NUP98: variants seen among roughly 807,000 people sequenced by gnomAD.
The protein encoded by NUP98 is nuclear pore complex protein Nup98-Nup96.
Under a neutral mutation model 191.9 loss-of-function variants are expected in NUP98, and 26 were observed. The ratio of observed to expected loss-of-function variants is 0.14; its 90% CI spans 0.10 to 0.19. The LOEUF is 0.19. NUP98 is among the 10% of genes least tolerant of loss of function. NUP98 has a pLI of 1.00. For missense variants in NUP98, 1,941 were observed against 2,178.8 expected (o/e 0.89, Z 2.17); for synonymous variants, 808 against 778.4 (o/e 1.04, Z -0.63).
chr11:3,766,812 T>C (rs1157915681), intron 8 of NUP98, among the ~76,000 whole-genome samples: 2 of 152,082 alleles, frequency 1.3e-5, no homozygotes, highest in East Asian at 3.8e-4. Flanking sequence ...CATGAAAAAG[T>C]GTCAAATGTT....
intron 10 of NUP98, among the ~76,000 whole-genome samples, chr11:3,759,432 A>G (rs566374316): frequency 5.3e-4 from 80 of 152,174 alleles, no homozygotes; most frequent in Non-Finnish European, 9.4e-4. Flanking sequence ...CCTTGTCTCT[A>G]CTAAAAACAC....
chr11:3,768,715 C>A lies in NUP98; in HGVS notation c.814G>T (p.Gly272Cys). 6.3e-7 allele frequency: 1 copy of A among 1,589,920 alleles called. No individual in the cohort carries two copies. ...TGCTGATTCTGTTGGCCAAAGAGAC[C>A]ACCTGGATTTGTTCCAAATCCAGTT... ...STTGFGTNPG[G>C]LFGQQNQQTT... Residue 272 changes from glycine to cysteine, a missense_variant, in exon 8 of 33, where the codon GGT (glycine) becomes TGT (cysteine). Coordinates refer to ENST00000324932, the MANE Select transcript of NUP98 (RefSeq NM_016320.5).
chr11:3,751,224 GGC>G (rs2080738336), intron 11 of NUP98, among the ~76,000 whole-genome samples: 1 of 152,082 alleles, frequency 6.6e-6, no homozygotes, highest in African/African-American at 2.4e-5. Context: ...TGGGCATGTG[GGC>G]ACATGCCAGT....
At position 3,778,014 on chromosome 11, in the gene NUP98, T is replaced by C. The variant is rs546156246; in HGVS notation, c.355+859A>G. On this transcript the variant is annotated intron_variant, in intron 4 of 32. Coordinates refer to ENST00000324932, the MANE Select transcript of NUP98 (RefSeq NM_016320.5). The stretch of plus-strand genomic sequence containing the variant: ...GAGATCGAGACCATCCTGGCTAACA[T>C]GGTGAAACCCCGTCTCTACAAAAAA... Among the ~76,000 whole-genome samples, 387 of 151,654 alleles carry C rather than the reference T, an allele frequency of 2.6e-3. 3 individuals carry two copies. The highest frequency in any genetic ancestry group is 9.0e-3 in the African/African-American group (374 of 41,340).
At chr11:3,760,746 C>T (rs1348900640) in intron 9 of NUP98, 120 bp from the exon 10 acceptor site, 1 of 659,434 alleles carries the variant, frequency 1.5e-6, no homozygotes, top group East Asian at 2.8e-5. Context: ...TCCTAACATT[C>T]ATAAAAAAGG....
intron 29 of NUP98, among the ~76,000 whole-genome samples, chr11:3,683,702 C>T (rs1363223346): frequency 1.5e-5 from 1 of 65,388 alleles, no homozygotes; most frequent in Non-Finnish European, 4.5e-5. Flanking sequence ...CCACACCCCG[C>T]TAATTTTGTA....
chr11:3,713,776 A>T (rs372525868), intron 19 of NUP98, 42 bp downstream of exon 19: 19 of 1,566,146 alleles, frequency 1.2e-5, no homozygotes, highest in Non-Finnish European at 1.6e-5. Flanking sequence ...TGTGACTCCA[A>T]ATATAGTTTA....
rs1418579865 is a variant in NUP98, at chr11:3,706,319, T to C, written c.2925+126A>G. The C allele has an allele frequency of 1.0e-5, 8 of 793,250 alleles. No homozygotes were observed. The Admixed American group carries it at 2.0e-4, about 20-fold the overall frequency. The allele number at this position is 793,250 out of a possible 1,614,324, so 49.1% of individuals were successfully genotyped here. A position where few individuals can be genotyped will look rare whatever the true frequency, so the allele number is the denominator to read the frequency against. ...CCCAGACATTGGCCATATTCTTGTA[T>C]TTTTTTTCCCCATTACAGTGAGCAC... On this transcript the variant is annotated intron_variant, in intron 21 of 32. Coordinates refer to ENST00000324932, the MANE Select transcript of NUP98 (RefSeq NM_016320.5).
chr11:3,691,976 A>C lies in NUP98; in HGVS notation c.4312-487T>G, dbSNP rs191242184. Among the ~76,000 whole-genome samples, 26 of 152,290 alleles carry C rather than the reference A, an allele frequency of 1.7e-4. No homozygotes were observed. The East Asian group carries it at 4.2e-3, about 25-fold the overall frequency. ...AGTGGGAGGAGGACTGCTTGAGCCA[A>C]GTAGTTCAAGACCTGCCAGGGCAAC... is the stretch of plus-strand genomic sequence containing the variant. On this transcript the variant is annotated intron_variant, in intron 27 of 32. Transcript: ENST00000324932.
intron 26 of NUP98, among the ~76,000 whole-genome samples, chr11:3,694,174 C>A (rs750031925): frequency 1.6e-4 from 24 of 151,550 alleles, no homozygotes; most frequent in Non-Finnish European, 3.5e-4. Flanking sequence ...GAGTTTGGGA[C>A]TGGCCTGGCC....
At chr11:3,759,728 T>C (rs1015898301) in intron 10 of NUP98, among the ~76,000 whole-genome samples, 2 of 152,208 alleles carry the variant, frequency 1.3e-5, no homozygotes, top group African/African-American at 4.8e-5. Flanking sequence ...TTTTCAACAA[T>C]GAATATACAT....
intron 2 of NUP98, among the ~76,000 whole-genome samples, chr11:3,780,272 T>C (rs887029247): frequency 6.6e-6 from 1 of 151,196 alleles, no homozygotes; most frequent in African/African-American, 2.4e-5. Context: ...GGCTCACGCC[T>C]GTAACCCCAG....
chr11:3,759,220 C>T (rs922974950), intron 10 of NUP98, among the ~76,000 whole-genome samples: 2 of 152,190 alleles, frequency 1.3e-5, no homozygotes, highest in Non-Finnish European at 2.9e-5. Flanking sequence ...ACCACTATTT[C>T]CCTCGACAAA....
At chr11:3,777,138 A>C (rs183599806) in intron 4 of NUP98, among the ~76,000 whole-genome samples, 8 of 152,316 alleles carry the variant, frequency 5.3e-5, no homozygotes, top group Admixed American at 5.2e-4. Flanking sequence ...AGGTTAATGT[A>C]AAATTTCACC....
At chr11:3,699,377 C>G (rs200977559) in intron 24 of NUP98, 29 bp from the exon 25 acceptor site, 10 of 1,608,884 alleles carry the variant, frequency 6.2e-6, no homozygotes, top group South Asian at 2.2e-5. Context: ...AACAATGTTA[C>G]GAGACAAAGT....
At chr11:3,690,046 G>A (rs1242153181) in intron 28 of NUP98, among the ~76,000 whole-genome samples, 1 of 148,408 alleles carries the variant, frequency 6.7e-6, no homozygotes, top group African/African-American at 2.5e-5. Context: ...CCAACTCCCA[G>A]GTTCAAGTGA....
intron 18 of NUP98, among the ~76,000 whole-genome samples, chr11:3,718,573 G>A (rs1250413757): frequency 1.3e-5 from 2 of 151,714 alleles, no homozygotes; most frequent in Non-Finnish European, 2.9e-5. Context: ...AGAAGAGAAA[G>A]GGAAAAGAAA....
At chr11:3,709,638 C>T (rs914637540) in intron 20 of NUP98, among the ~76,000 whole-genome samples, 1 of 148,572 alleles carries the variant, frequency 6.7e-6, no homozygotes, top group African/African-American at 2.5e-5. Flanking sequence ...CCCAAGAGTT[C>T]AACCAGCCTG....
At chr11:3,770,439 C>T (rs1346950896) in intron 7 of NUP98, among the ~76,000 whole-genome samples, 1 of 152,134 alleles carries the variant, frequency 6.6e-6, no homozygotes, top group Non-Finnish European at 1.5e-5. Flanking sequence ...GATCACATCA[C>T]TGCACTCCAG....
Sources: gnomAD v4.1 joint callset for allele counts (sites outside exome capture counted in the v4.1 genomes callset) on GRCh38, gnomAD v4.1.1 for gene constraint, MANE v1.5 for transcripts, NCBI Gene and HGNC (gene_info 2026-07-23, HGNC 2026-07-21) for gene names.